The following CNOT10 variants were observed in gnomAD, a reference collection of about 807,000 sequenced individuals.
CNOT10 encodes the protein CCR4-NOT transcription complex subunit 10.
A neutral mutation model predicts 94.6 loss-of-function variants in CNOT10; 30 were observed. The ratio of observed to expected loss-of-function variants is 0.32; its 90% confidence interval spans 0.24 to 0.43. CNOT10 has a LOEUF of 0.43. CNOT10 is among the 20% of genes least tolerant of loss of function. The pLI, the probability that CNOT10 is intolerant of heterozygous loss-of-function variation, is 1.00. For missense variants in CNOT10, 759 were observed against 877.2 expected (o/e 0.87, Z 1.70); for synonymous variants, 289 against 301.6 (o/e 0.96, Z 0.43).
At chr3:32,745,068 G>A (rs559007697) in intron 13 of CNOT10, among the ~76,000 whole-genome samples, 3 of 151,886 alleles carry the variant, frequency 2.0e-5, no homozygotes, top group South Asian at 4.2e-4. Context: ...TAGTAGAGAC[G>A]GGGTTTCACC....
intron 13 of CNOT10, among the ~76,000 whole-genome samples, chr3:32,743,837 A>G (rs1699582086): frequency 6.6e-6 from 1 of 152,196 alleles, no homozygotes; most frequent in Non-Finnish European, 1.5e-5. Flanking sequence ...TGATTTTCAA[A>G]GAAAATAATA....
At chr3:32,749,405 A>ATTTTTT (rs61077906) in intron 13 of CNOT10, among the ~76,000 whole-genome samples, 7 of 96,306 alleles carry the variant, frequency 7.3e-5, no homozygotes, top group African/African-American at 2.1e-4. Context: ...TGTTGAGTTA[A>ATTTTTT]TTTTTTTTTT....
Position 32,716,711 on chromosome 3 carries a change from G to A in CNOT10, c.660+400G>A, listed in dbSNP as rs1260953781. ...CACCCAAGCTGCAGTGCAATGGTGC[G>A]ATCTCGGCTCGCTGCAACCTCTGCC... On this transcript the variant is annotated intron_variant, in intron 6 of 18. Transcript: ENST00000328834. 5.3e-5 allele frequency among the ~76,000 whole-genome samples: 8 copies of A among 152,106 alleles called. No homozygotes were observed. The East Asian group carries it at 9.6e-4, about 18-fold the overall frequency.
chr3:32,724,840 T>C (rs940577864), intron 8 of CNOT10, among the ~76,000 whole-genome samples: 1 of 151,274 alleles, frequency 6.6e-6, no homozygotes, highest in African/African-American at 2.4e-5. Context: ...ATTACAGGCA[T>C]GAGCCATCGT....
chr3:32,752,671 T>G (rs1009896163), intron 13 of CNOT10, among the ~76,000 whole-genome samples: 2 of 152,202 alleles, frequency 1.3e-5, no homozygotes, highest in African/African-American at 2.4e-5. Context: ...ACAACTAAAC[T>G]TCAACTTTAA....
At chr3:32,687,805 A>T (rs201069419) in intron 1 of CNOT10, 9,297 of 151,610 alleles carry the variant, frequency 0.061, 327 homozygotes, top group Middle Eastern at 0.093. Context: ...TTCCAGCTGG[A>T]TTTCTGTATC....
intron 17 of CNOT10, 59 bp from the exon 18 acceptor site, chr3:32,769,828 T>C: frequency 7.5e-7 from 1 of 1,332,934 alleles, no homozygotes; most frequent in Non-Finnish European, 1.1e-6. Context: ...GCAGATGTAC[T>C]TGGAGTGTGT....
chr3:32,717,153 G>A lies in CNOT10; in HGVS notation c.661-1G>A. On this transcript the variant is annotated splice_acceptor_variant, in intron 6 of 18. Transcript: ENST00000328834. LOFTEE classifies it high-confidence loss of function. ...ACATACTAACATTTTCCCTTTGACA[G>A]TACAAAGTACGAGCTTATATCCAAA... is the stretch of plus-strand genomic sequence containing the variant. The A allele has an allele frequency of 1.3e-6, 2 of 1,580,338 alleles. No individual in the cohort carries two copies. The highest frequency in any genetic ancestry group is 1.7e-6 in the Non-Finnish European group (2 of 1,157,612).
intron 17 of CNOT10, among the ~76,000 whole-genome samples, chr3:32,766,660 A>T (rs1700662996): frequency 6.6e-6 from 1 of 152,042 alleles, no homozygotes. Context: ...GTGAATTATA[A>T]ATCCACCTTT....
chr3:32,726,431 A>T (rs1414421410), intron 9 of CNOT10, among the ~76,000 whole-genome samples: 1 of 152,086 alleles, frequency 6.6e-6, no homozygotes, highest in Non-Finnish European at 1.5e-5. Context: ...GCGGTGGCTC[A>T]CGCCTGTAAT....
At chr3:32,687,439 G>GTTTTTTTTTTTTTTTT (rs201119069) in intron 1 of CNOT10, among the ~76,000 whole-genome samples, 9 of 51,306 alleles carry the variant, frequency 1.8e-4, no homozygotes, top group East Asian at 7.5e-4. Context: ...AGTCCTCACG[G>GTTTTTTTTTTTTTTTT]TTTTTTTTTT....
At chr3:32,695,412 T>A (rs1697002951) in intron 1 of CNOT10, 3 of 566,476 alleles carry the variant, frequency 5.3e-6, no homozygotes, top group Non-Finnish European at 8.6e-6. Context: ...TTAACATCCC[T>A]TTTTTCTTTG....
intron 13 of CNOT10, chr3:32,752,814 A>G (rs184843733): frequency 8.0e-5 from 18 of 225,290 alleles, no homozygotes; most frequent in Admixed American, 5.4e-5. Flanking sequence ...CTTCTCTACT[A>G]AAAATACAAA....
intron 13 of CNOT10, among the ~76,000 whole-genome samples, chr3:32,756,491 A>T (rs1377401467): frequency 1.3e-5 from 2 of 152,072 alleles, no homozygotes; most frequent in African/African-American, 4.8e-5. Flanking sequence ...CTGTCGGGAG[A>T]GGCCAGGGCA....
At position 32,691,230 on chromosome 3, in the gene CNOT10, C is replaced by T. The variant is rs369363504; in HGVS notation, c.22+5748C>T. Among the ~76,000 whole-genome samples, 119 of 147,948 alleles carry T rather than the reference C, an allele frequency of 8.0e-4. 2 individuals are homozygous for T. The South Asian group carries it at 0.02, about 25-fold the overall frequency. ...AGGCTGGAGTGCAGTGGTGCAATCT[C>T]GGCTCAGTGCAACCTCTGTCTCCTG... On this transcript the variant is annotated intron_variant, in intron 1 of 18. Transcript: ENST00000328834.
intron 3 of CNOT10, among the ~76,000 whole-genome samples, chr3:32,706,503 C>T (rs868804401): frequency 2.0e-5 from 3 of 152,196 alleles, no homozygotes; most frequent in Non-Finnish European, 2.9e-5. Flanking sequence ...CTTCTGTTCG[C>T]AGTCACATCG....
In CNOT10 at chr3:32,733,489, G is replaced by C. The variant is rs1158492738; in HGVS notation, c.1282G>C (p.Gly428Arg). 1.9e-6 allele frequency: 3 copies of C among 1,604,576 alleles called. No homozygotes were observed. The East Asian group carries it at 6.7e-5, about 36-fold the overall frequency. Reference protein sequence around the residue: ...KGIVQSIVGQGYHRKIVLASQ... With the variant: ...KGIVQSIVGQRYHRKIVLASQ... ...AATTGTACAGTCTATTGTTGGTCAA[G>C]GCTATCATCGTAAAATAGTTTTGGC... is the stretch of plus-strand genomic sequence containing the variant. Residue 428 changes from glycine (G) to arginine (R), a missense_variant, in exon 11 of 19, where the codon GGC becomes CGC. Gly to Arg is a moderately radical substitution (Grantham distance 125). This residue lies in a region of CNOT10 where 682 missense variants were observed against 799.4 expected (regional missense o/e 0.85). Transcript: ENST00000328834.
intron 13 of CNOT10, among the ~76,000 whole-genome samples, chr3:32,758,031 A>G (rs1264797784): frequency 6.6e-6 from 1 of 152,204 alleles, no homozygotes; most frequent in Non-Finnish European, 1.5e-5. Context: ...TATAATGTAC[A>G]AGAATCTTTT....
intron 4 of CNOT10, among the ~76,000 whole-genome samples, chr3:32,709,633 G>A (rs2125526444): frequency 6.6e-6 from 1 of 152,240 alleles, no homozygotes; most frequent in Middle Eastern, 3.4e-3. Flanking sequence ...ATTCTGAGGT[G>A]CTTCTCTTCT....
Sources: gnomAD v4.1 joint callset for allele counts (sites outside exome capture counted in the v4.1 genomes callset) on GRCh38, gnomAD v4.1.1 for gene constraint, gnomAD v4.1.1 regional missense constraint, MANE v1.5 for transcripts, NCBI Gene and HGNC (gene_info 2026-07-23, HGNC 2026-07-21) for gene names.